Variants in MEGF11 observed in about 807,000 individuals in gnomAD.
MEGF11 encodes multiple epidermal growth factor-like domains protein 11.
In MEGF11, 126 loss-of-function variants were observed where a neutral mutation model predicts 146.6. The ratio of observed to expected loss-of-function variants is 0.86; its 90% CI spans 0.74 to 1.00. The LOEUF (loss-of-function observed/expected upper bound fraction) is 1.00, where lower values mean the gene tolerates loss of function less well. MEGF11 is among the 50% of genes least tolerant of loss of function. The probability of loss-of-function intolerance (pLI) is 0.00; values close to 1 mark genes in which losing one functional copy is unlikely to be tolerated. For missense variants in MEGF11, 1,509 were observed against 1,521.2 expected, an observed-to-expected ratio of 0.99 and a Z score of 0.13; for synonymous variants, 532 against 583.4, an observed-to-expected ratio of 0.91 and a Z score of 1.27.
chr15:65,993,384 G>T (rs1030546956), intron 5 of MEGF11, among the ~76,000 whole-genome samples: 18 of 152,230 alleles, frequency 1.2e-4, no homozygotes, highest in Non-Finnish European at 2.5e-4. Context: ...TTTAATGAAG[G>T]CCCAGCTCCC....
At chr15:66,195,184 T>A (rs1018196403) in intron 1 of MEGF11, among the ~76,000 whole-genome samples, 1 of 152,296 alleles carries the variant, frequency 6.6e-6, no homozygotes. Flanking sequence ...ATGATGCCAG[T>A]CATATTGGAT....
intron 5 of MEGF11, among the ~76,000 whole-genome samples, chr15:66,055,194 T>C (rs2084626752): frequency 6.6e-6 from 1 of 152,242 alleles, no homozygotes; most frequent in African/African-American, 2.4e-5. Context: ...TTAGCTCTGA[T>C]AAGGCTGCAC....
intron 1 of MEGF11, among the ~76,000 whole-genome samples, chr15:66,182,749 C>G (rs1050066489): frequency 1.4e-4 from 22 of 152,194 alleles, no homozygotes; most frequent in African/African-American, 5.1e-4. Context: ...GCCTGCAAGT[C>G]TCCATGGTCT....
At chr15:65,955,759 A>AAAAAAAAAT (rs2080572183) in intron 10 of MEGF11, among the ~76,000 whole-genome samples, 1 of 16,386 alleles carries the variant, frequency 6.1e-5, no homozygotes, top group Admixed American at 1.5e-3. Context: ...AAAAAAAAAA[A>AAAAAAAAAT]AAATATATAT....
At chr15:66,189,258 G>A (rs1026889400) in intron 1 of MEGF11, among the ~76,000 whole-genome samples, 1 of 152,190 alleles carries the variant, frequency 6.6e-6, no homozygotes, top group Non-Finnish European at 1.5e-5. Context: ...GGGAGGCCAA[G>A]GAATCCAAGC....
At chr15:66,102,370 T>C (rs557075876) in intron 4 of MEGF11, among the ~76,000 whole-genome samples, 1 of 49,902 alleles carries the variant, frequency 2.0e-5, no homozygotes, top group East Asian at 6.5e-4. Flanking sequence ...CTCATTTCCA[T>C]GATGAAGACT....
At chr15:66,019,468 C>T (rs1415155906) in intron 5 of MEGF11, among the ~76,000 whole-genome samples, 3 of 152,340 alleles carry the variant, frequency 2.0e-5, no homozygotes, top group East Asian at 3.9e-4. Context: ...AAGAGGCTGG[C>T]CCCTCCTGCG....
At chr15:66,024,689 C>A (rs1001200562) in intron 5 of MEGF11, among the ~76,000 whole-genome samples, 4 of 152,058 alleles carry the variant, frequency 2.6e-5, no homozygotes, top group Non-Finnish European at 5.9e-5. Flanking sequence ...TATAAGTGAC[C>A]AAGCCAGGAC....
At chr15:65,905,916 C>T (rs1484286888) in intron 24 of MEGF11, 169 bp downstream of exon 24, 8 of 481,198 alleles carry the variant, frequency 1.7e-5, no homozygotes, top group Admixed American at 4.0e-5. Context: ...TGATTGATTG[C>T]TCCTCCTGGG....
chr15:66,172,471 G>A (rs1027185830), intron 1 of MEGF11, among the ~76,000 whole-genome samples: 2 of 152,202 alleles, frequency 1.3e-5, no homozygotes, highest in Non-Finnish European at 2.9e-5. Flanking sequence ...GCAGCAGATC[G>A]GAGGGAGGGG....
chr15:65,917,094 A>G, intron 16 of MEGF11, 138 bp from the exon 17 acceptor site: 1 of 927,496 alleles, frequency 1.1e-6, no homozygotes. Context: ...CAGGGGCTTC[A>G]TGCACTGTTC....
chr15:66,090,075 G>A (rs1324740183), intron 5 of MEGF11, among the ~76,000 whole-genome samples: 1 of 152,156 alleles, frequency 6.6e-6, no homozygotes, highest in Non-Finnish European at 1.5e-5. Flanking sequence ...TTCCTTTATG[G>A]AGCAGAAAGA....
chr15:65,927,028 G>C (rs1596851926), intron 13 of MEGF11, among the ~76,000 whole-genome samples: 2 of 152,262 alleles, frequency 1.3e-5, no homozygotes, highest in East Asian at 3.9e-4. Context: ...GCAGCAACCT[G>C]GTGTTAATTA....
intron 1 of MEGF11, among the ~76,000 whole-genome samples, chr15:66,130,730 G>GAGGAAGGA (rs137881134): frequency 6.4e-5 from 9 of 140,976 alleles, no homozygotes; most frequent in African/African-American, 2.1e-4. Context: ...AAGAGGGAGG[G>GAGGAAGGA]AGGAAGGAAG....
chr15:66,037,464 G>A (rs545223431), intron 5 of MEGF11, among the ~76,000 whole-genome samples: 1 of 152,168 alleles, frequency 6.6e-6, no homozygotes, highest in African/African-American at 2.4e-5. Context: ...GATAAGAATG[G>A]TCCCTGCTTC....
chr15:66,168,697 G>A (rs902159622), intron 1 of MEGF11, among the ~76,000 whole-genome samples: 62 of 152,218 alleles, frequency 4.1e-4, no homozygotes, highest in Admixed American at 3.9e-3. Context: ...AAATAAGGCT[G>A]GGTTCGGTGG....
chr15:66,177,974 C>G (rs2090435917), intron 1 of MEGF11, among the ~76,000 whole-genome samples: 1 of 150,418 alleles, frequency 6.6e-6, no homozygotes. Flanking sequence ...TGTGAGCCAC[C>G]ATGCCCTGCC....
At chr15:66,120,104 C>G (rs908107212) in intron 3 of MEGF11, among the ~76,000 whole-genome samples, 4 of 152,292 alleles carry the variant, frequency 2.6e-5, no homozygotes, top group Admixed American at 1.3e-4. Flanking sequence ...AGGATTCAAA[C>G]CTAGCTCACT....
At chr15:65,999,730 T>C (rs2082303485) in intron 5 of MEGF11, among the ~76,000 whole-genome samples, 1 of 152,226 alleles carries the variant, frequency 6.6e-6, no homozygotes, top group African/African-American at 2.4e-5. Context: ...AGGTGCTCGG[T>C]ACTACATTTC....
Sources: allele counts gnomAD v4.1 joint callset (sites outside exome capture counted in the v4.1 genomes callset), GRCh38; gene constraint gnomAD v4.1.1; transcripts MANE v1.5; gene names NCBI Gene and HGNC (gene_info 2026-07-23, HGNC 2026-07-21).